The following SEMA6D variants were observed in gnomAD, a reference collection of about 807,000 sequenced individuals.
The protein encoded by SEMA6D is semaphorin-6D.
Under a neutral mutation model 106.6 loss-of-function variants are expected in SEMA6D, and 35 were observed. The observed-to-expected ratio is 0.33, with a 90% CI of 0.25 to 0.44. The LOEUF is 0.44. Among genes scored for constraint, SEMA6D ranks in the 20% least tolerant of loss-of-function variants. The pLI is 1.00. For synonymous variants in SEMA6D, 499 were observed against 487.7 expected (o/e 1.02, Z -0.31); for missense variants, 1,185 against 1,345.9 (o/e 0.88, Z 1.87).
At chr15:47,381,255 A>G (rs1443984737) in intron 1 of SEMA6D, among the ~76,000 whole-genome samples, 2 of 152,250 alleles carry the variant, frequency 1.3e-5, no homozygotes, top group East Asian at 1.9e-4. Context: ...CACAGGTTCA[A>G]CCAGAAATTT....
chr15:47,498,764 C>T (rs2043752841), intron 3 of SEMA6D, among the ~76,000 whole-genome samples: 1 of 152,084 alleles, frequency 6.6e-6, no homozygotes, highest in Admixed American at 6.6e-5. Context: ...TAAAAAGCTA[C>T]CTGAGGCACA....
intron 2 of SEMA6D, among the ~76,000 whole-genome samples, chr15:47,443,952 A>T (rs1207103176): frequency 1.3e-5 from 2 of 152,170 alleles, no homozygotes; most frequent in Admixed American, 6.5e-5. Flanking sequence ...GGTTGCTAAT[A>T]ATAATGATAA....
chr15:47,346,246 G>C (rs568301246), intron 1 of SEMA6D, among the ~76,000 whole-genome samples: 1 of 152,268 alleles, frequency 6.6e-6, no homozygotes, highest in East Asian at 1.9e-4. Context: ...CATGAGACCA[G>C]TTTTTCATGT....
intron 1 of SEMA6D, among the ~76,000 whole-genome samples, chr15:47,278,373 G>A (rs1460864838): frequency 2.0e-5 from 3 of 152,212 alleles, no homozygotes; most frequent in Non-Finnish European, 4.4e-5. Flanking sequence ...GTGATGGTGA[G>A]CATCTTTTCA....
At chr15:47,489,708 G>A (rs2043410559) in intron 3 of SEMA6D, among the ~76,000 whole-genome samples, 1 of 151,888 alleles carries the variant, frequency 6.6e-6, no homozygotes, top group East Asian at 1.9e-4. Context: ...CTGGAGTGCA[G>A]TGGCGCGATC....
chr15:47,193,537 T>C (rs868134077), intron 1 of SEMA6D, among the ~76,000 whole-genome samples: 1 of 152,212 alleles, frequency 6.6e-6, no homozygotes, highest in Non-Finnish European at 1.5e-5. Flanking sequence ...TGGATTATAC[T>C]CTTCTCTGCT....
At chr15:47,657,572 G>A (rs551274629) in intron 4 of SEMA6D, among the ~76,000 whole-genome samples, 2 of 151,888 alleles carry the variant, frequency 1.3e-5, no homozygotes, top group East Asian at 1.9e-4. Flanking sequence ...CAGAAAGAAA[G>A]AGAATATATC....
rs375863196 is a variant in SEMA6D at position 47,641,967 on chromosome 15, G to A, written c.-55+41071G>A. Among the ~76,000 whole-genome samples the A allele has an allele frequency of 5.9e-5, 9 of 152,268 alleles. No homozygotes were observed. In the South Asian group the frequency reaches 1.9e-3, roughly 32 times the overall value. On this transcript the variant is annotated intron_variant, in intron 4 of 19. Transcript: ENST00000558014. ...TGTGCTTCACTTGGTTGCCTTGTCG[G>A]CCTCCCCTGCTAGCCTTGAGGGTTG...
chr15:47,470,399 T>C (rs952656643), intron 2 of SEMA6D: 1 of 145,930 alleles, frequency 6.9e-6, no homozygotes, highest in African/African-American at 2.8e-5. Context: ...TTTAGTAGTC[T>C]GTAGGTGACA....
chr15:47,304,016 G>A (rs2036126380), intron 1 of SEMA6D, among the ~76,000 whole-genome samples: 1 of 152,172 alleles, frequency 6.6e-6, no homozygotes, highest in African/African-American at 2.4e-5. Context: ...AATGTGGAGG[G>A]TGTTACATTT....
chr15:47,392,681 T>C (rs2040079002), intron 1 of SEMA6D, among the ~76,000 whole-genome samples: 1 of 152,188 alleles, frequency 6.6e-6, no homozygotes, highest in Non-Finnish European at 1.5e-5. Flanking sequence ...ACTTCTGACT[T>C]CCAGAAGTCG....
At chr15:47,530,423 A>G (rs2044921421) in intron 3 of SEMA6D, among the ~76,000 whole-genome samples, 1 of 152,240 alleles carries the variant, frequency 6.6e-6, no homozygotes, top group South Asian at 2.1e-4. Context: ...TCATAATTAG[A>G]CAATAGTTCC....
intron 3 of SEMA6D, among the ~76,000 whole-genome samples, chr15:47,569,163 T>G (rs1166135973): frequency 6.6e-6 from 1 of 152,210 alleles, no homozygotes; most frequent in Non-Finnish European, 1.5e-5. Flanking sequence ...TGGTGGTAAC[T>G]ATACCTTTTC....
chr15:47,521,211 G>A (rs1286171867), intron 3 of SEMA6D, among the ~76,000 whole-genome samples: 1 of 152,150 alleles, frequency 6.6e-6, no homozygotes, highest in African/African-American at 2.4e-5. Flanking sequence ...GCTCTCTGAT[G>A]GCACCTGGAA....
chr15:47,287,697 C>T (rs2035431983), intron 1 of SEMA6D, among the ~76,000 whole-genome samples: 1 of 152,210 alleles, frequency 6.6e-6, no homozygotes, highest in Admixed American at 6.5e-5. Flanking sequence ...CTGAGATCAT[C>T]TAAGCTTAAA....
intron 1 of SEMA6D, among the ~76,000 whole-genome samples, chr15:47,352,581 T>A (rs1449787353): frequency 6.6e-6 from 1 of 152,196 alleles, no homozygotes; most frequent in Non-Finnish European, 1.5e-5. Context: ...TGAAGAACTT[T>A]CTATTCTGGA....
chr15:47,479,835 A>G (rs571497519), intron 3 of SEMA6D, among the ~76,000 whole-genome samples: 6 of 141,392 alleles, frequency 4.2e-5, no homozygotes, highest in East Asian at 2.1e-4. Context: ...ATACTGCACC[A>G]TTTCTTAAAT....
chr15:47,730,462 G>A (rs931435580), intron 1 of SEMA6D: 51 of 1,350,070 alleles, frequency 3.8e-5, no homozygotes, highest in East Asian at 7.0e-5. Flanking sequence ...TGGGATCCAC[G>A]TCGTGTGCAA....
At chr15:47,285,522 A>T (rs2035323389) in intron 1 of SEMA6D, among the ~76,000 whole-genome samples, 1 of 152,134 alleles carries the variant, frequency 6.6e-6, no homozygotes, top group Non-Finnish European at 1.5e-5. Flanking sequence ...ACCCTACTAC[A>T]GGGACAGACC....
Sources: allele counts gnomAD v4.1 joint callset (sites outside exome capture counted in the v4.1 genomes callset), GRCh38; gene constraint gnomAD v4.1.1; transcripts MANE v1.5; gene names NCBI Gene and HGNC (gene_info 2026-07-23, HGNC 2026-07-21).